The following IDO2 variants were observed in gnomAD, a reference collection of about 807,000 sequenced individuals.
The protein encoded by IDO2 is indoleamine 2,3-dioxygenase-like 1 protein.
Under a neutral mutation model 45.1 loss-of-function variants are expected in IDO2, and 46 were observed. The ratio of observed to expected loss-of-function variants is 1.02; its 90% CI spans 0.80 to 1.30. IDO2 has a LOEUF of 1.30. IDO2 is among the 50% of genes most tolerant of loss of function. The pLI is 0.00. For synonymous variants in IDO2, 218 were observed against 184.9 expected (o/e 1.18, Z -1.45); for missense variants, 544 against 491.8 (o/e 1.11, Z -1.00).
intron 3 of IDO2, among the ~76,000 whole-genome samples, chr8:39,976,759 T>C (rs533748051): frequency 3.7e-4 from 57 of 152,272 alleles, no homozygotes; most frequent in African/African-American, 1.0e-3. Flanking sequence ...AAATGTTAGC[T>C]GAGTAGCATT....
intron 8 of IDO2, chr8:39,998,052 A>G (rs778931371): frequency 1.3e-5 from 3 of 233,454 alleles, no homozygotes; most frequent in Non-Finnish European, 2.7e-5. Flanking sequence ...CTCTCCTTTC[A>G]CAGCCTTTCT....
intron 2 of IDO2, among the ~76,000 whole-genome samples, chr8:39,958,729 G>A (rs1185057035): frequency 6.6e-6 from 1 of 152,182 alleles, no homozygotes; most frequent in Admixed American, 6.6e-5. Flanking sequence ...GGGATTACAG[G>A]TGTGAGCCAC....
chr8:39,941,691 T>C (rs1221218717), intron 1 of IDO2, among the ~76,000 whole-genome samples: 1 of 152,012 alleles, frequency 6.6e-6, no homozygotes, highest in African/African-American at 2.4e-5. Flanking sequence ...AAATGGCTCA[T>C]TAATGCTGCA....
At chr8:40,000,307 A>G (rs112885999) in intron 8 of IDO2, among the ~76,000 whole-genome samples, 13,075 of 152,002 alleles carry the variant, frequency 0.086, 655 homozygotes, top group Middle Eastern at 0.15. Context: ...TTACTCAGGA[A>G]GCTGAGGCAG....
intron 3 of IDO2, among the ~76,000 whole-genome samples, chr8:39,968,169 A>T (rs1808125721): frequency 6.6e-6 from 1 of 152,160 alleles, no homozygotes; most frequent in African/African-American, 2.4e-5. Context: ...TGTGGGATGG[A>T]TAGTGGAATA....
chr8:39,952,515 T>C (rs1385968901), intron 2 of IDO2, among the ~76,000 whole-genome samples: 1 of 152,240 alleles, frequency 6.6e-6, no homozygotes, highest in Non-Finnish European at 1.5e-5. Flanking sequence ...AAATATTCTA[T>C]CCCACTGTTT....
At chr8:39,985,123 G>T (rs1455683104) in intron 5 of IDO2, 8 of 308,106 alleles carry the variant, frequency 2.6e-5, no homozygotes, top group Non-Finnish European at 4.3e-5. Context: ...GAGAGATGGG[G>T]TTTTACCACG....
At chr8:39,935,147 C>A (rs376251866) in exon 1 of IDO2, 2 of 1,583,700 alleles carry the variant, frequency 1.3e-6, no homozygotes, top group Non-Finnish European at 1.7e-6. Flanking sequence ...AGAATGAAAA[C>A]CTTCTTAGGA....
At chr8:40,008,897 T>C (rs998747510) in intron 9 of IDO2, among the ~76,000 whole-genome samples, 1 of 152,210 alleles carries the variant, frequency 6.6e-6, no homozygotes, top group Non-Finnish European at 1.5e-5. Context: ...TTAATAAGTG[T>C]AGATGGACAA....
intron 2 of IDO2, among the ~76,000 whole-genome samples, chr8:39,960,675 T>A (rs1336431424): frequency 2.0e-5 from 3 of 152,240 alleles, no homozygotes; most frequent in African/African-American, 7.2e-5. Context: ...CTTCCTAATA[T>A]TGTTTTGTTT....
intron 1 of IDO2, among the ~76,000 whole-genome samples, chr8:39,942,082 G>A (rs1051861410): frequency 4.6e-5 from 7 of 152,126 alleles, no homozygotes; most frequent in African/African-American, 1.7e-4. Context: ...GAGAGAATGA[G>A]AGCTTGTTTC....
rs536572424 is a variant in IDO2, at chr8:40,014,813, A to G, written c.869-434A>G. Among the ~76,000 whole-genome samples the G allele has an allele frequency of 5.9e-5, 9 of 152,252 alleles. No homozygotes were observed. The East Asian group carries it at 1.4e-3, about 23-fold the overall frequency. ...AAACAAAAGGGCCAAGGTAGATTTG[A>G]GTTAGAACACCAGCAACAGTTTCTG... On this transcript the variant is annotated intron_variant, in intron 10 of 10. Coordinates refer to ENST00000502986, the Ensembl canonical transcript of IDO2.
At chr8:39,960,791 AT>A (rs201160746) in intron 2 of IDO2, among the ~76,000 whole-genome samples, 17 of 151,502 alleles carry the variant, frequency 1.1e-4, no homozygotes, top group African/African-American at 3.9e-4. Flanking sequence ...TAATTAATTT[AT>A]TTTTTTTTGA....
chr8:40,007,675 A>T (rs1193651120), intron 9 of IDO2, among the ~76,000 whole-genome samples: 1 of 152,194 alleles, frequency 6.6e-6, no homozygotes, highest in Non-Finnish European at 1.5e-5. Flanking sequence ...TTTGCTTCAC[A>T]TTGCTCTCTA....
chr8:40,013,128 T>C (rs1802332153), intron 9 of IDO2, among the ~76,000 whole-genome samples: 1 of 152,136 alleles, frequency 6.6e-6, no homozygotes, highest in Non-Finnish European at 1.5e-5. Context: ...GGTGTTTGTG[T>C]ATATTTGTGA....
chr8:39,979,183 A>C (rs1808304881), exon 4 of IDO2: 1 of 1,582,486 alleles, frequency 6.3e-7, no homozygotes, highest in Non-Finnish European at 8.6e-7. Context: ...CGCAGCCTGC[A>C]GAGGTGAGGG....
intron 1 of IDO2, among the ~76,000 whole-genome samples, chr8:39,940,049 C>A (rs1174451428): frequency 6.6e-6 from 1 of 152,080 alleles, no homozygotes; most frequent in Admixed American, 6.6e-5. Context: ...TCATGCAACC[C>A]AAGACGCCAA....
At chr8:39,980,529 CTG>C (rs1234860249) in intron 4 of IDO2, among the ~76,000 whole-genome samples, 1 of 152,022 alleles carries the variant, frequency 6.6e-6, no homozygotes, top group Non-Finnish European at 1.5e-5. Context: ...TTGGAAGTAA[CTG>C]TTTTTAAAAG....
intron 2 of IDO2, among the ~76,000 whole-genome samples, chr8:39,961,450 G>A (rs983436815): frequency 6.7e-6 from 1 of 150,152 alleles, no homozygotes; most frequent in African/African-American, 2.4e-5. Context: ...AGCCTCCCGA[G>A]TAGCTGGGAT....
Sources: allele counts gnomAD v4.1 joint callset (sites outside exome capture counted in the v4.1 genomes callset), GRCh38; gene constraint gnomAD v4.1.1; transcripts MANE v1.5; gene names NCBI Gene and HGNC (gene_info 2026-07-23, HGNC 2026-07-21).